Variants in PTK2B observed in about 807,000 individuals in gnomAD.
PTK2B encodes the protein protein-tyrosine kinase 2-beta.
PTK2B carries 71 observed loss-of-function variants against 142.9 expected under a neutral mutation model. The ratio of observed to expected loss-of-function variants is 0.50; its 90% CI spans 0.41 to 0.61. PTK2B has a LOEUF of 0.61. Among genes scored for constraint, PTK2B ranks in the 20% least tolerant of loss-of-function variants. The pLI, the probability that PTK2B is intolerant of heterozygous loss-of-function variation, is 0.00. For missense variants in PTK2B, 1,105 were observed against 1,320.4 expected (o/e 0.84, Z 2.53); for synonymous variants, 519 against 503.4 (o/e 1.03, Z -0.42).
At chr8:27,433,172 A>G (rs758167845) in intron 10 of PTK2B, among the ~76,000 whole-genome samples, 3 of 152,198 alleles carry the variant, frequency 2.0e-5, no homozygotes, top group Non-Finnish European at 4.4e-5. Flanking sequence ...TTGAGCACCT[A>G]CTAGGTACCA....
At chr8:27,371,494 C>T (rs1209631294) in intron 1 of PTK2B, among the ~76,000 whole-genome samples, 2 of 151,626 alleles carry the variant, frequency 1.3e-5, no homozygotes, top group African/African-American at 4.9e-5. Flanking sequence ...TCTTGAGATT[C>T]CATTTTCTCA....
At chr8:27,311,681 C>T in exon 1 of PTK2B, 1 of 182,878 alleles carries the variant, frequency 5.5e-6, no homozygotes, top group East Asian at 1.5e-4. Context: ...CTTCCTGCTT[C>T]CGAAGTAGTG....
intron 1 of PTK2B, among the ~76,000 whole-genome samples, chr8:27,343,697 C>T (rs1056818853): frequency 6.6e-6 from 1 of 152,158 alleles, no homozygotes; most frequent in African/African-American, 2.4e-5. Flanking sequence ...TCTGACCTTT[C>T]TCCTTTAAAA....
rs771678400 is a variant in PTK2B, at chr8:27,454,151, C to CA, written c.2596-2dup. 1 of 1,614,046 alleles carries CA rather than the reference C, an allele frequency of 6.2e-7. No individual in the cohort carries two copies. The highest frequency in any genetic ancestry group is 1.1e-5 in the South Asian group (1 of 91,064). ...TCACTGGCCACCTGCGTCTTCCCCT[C>CA]AGTCCATCCAGCCCACAGCTAACCT... On this transcript the variant is annotated splice_polypyrimidine_tract_variant and splice_region_variant and intron_variant, in intron 28 of 30. Transcript: ENST00000346049.
At chr8:27,435,985 G>A (rs1563286749) in intron 14 of PTK2B, among the ~76,000 whole-genome samples, 192 bp downstream of exon 14, 1 of 152,056 alleles carries the variant, frequency 6.6e-6, no homozygotes, top group Non-Finnish European at 1.5e-5. Context: ...TATACTGATT[G>A]ACCTTTTGTG....
rs575970719 is a variant in PTK2B at position 27,333,691 on chromosome 8, C to G, written c.-38+8010C>G. Among the ~76,000 whole-genome samples the G allele has an allele frequency of 2.6e-5, 4 of 152,266 alleles. No individual in the cohort carries two copies. In the South Asian group the frequency reaches 8.3e-4, roughly 32 times the overall value. On this transcript the variant is annotated intron_variant, in intron 1 of 30. Coordinates refer to ENST00000346049, the MANE Select transcript of PTK2B (RefSeq NM_173176.3). ...TGATTCCCAGCCTGGCCGCTTCCCC[C>G]TGGGCCTCCCCTCTGCTAGGAGTGT...
At chr8:27,328,960 T>TG (rs372660029) in intron 1 of PTK2B, among the ~76,000 whole-genome samples, 15 of 148,622 alleles carry the variant, frequency 1.0e-4, no homozygotes, top group African/African-American at 3.7e-4. Flanking sequence ...TTTTTTGAGA[T>TG]GGAGTCTCAC....
intron 1 of PTK2B, among the ~76,000 whole-genome samples, chr8:27,353,754 C>T (rs144489457): frequency 1.3e-5 from 2 of 152,184 alleles, no homozygotes; most frequent in Non-Finnish European, 2.9e-5. Flanking sequence ...CTCCGTAAAC[C>T]TTATCAGTCA....
At chr8:27,330,038 G>A (rs148546944) in intron 1 of PTK2B, among the ~76,000 whole-genome samples, 2 of 152,236 alleles carry the variant, frequency 1.3e-5, no homozygotes, top group Non-Finnish European at 2.9e-5. Context: ...GGCTCACCCC[G>A]TCAGTGCATC....
rs1246045425 is a variant in PTK2B, at chr8:27,431,030, C to T, written c.810+14C>T. ...TGTGAACTCATTGTAATGGCGGGCTCTCTTGATCCTCTCCCTGACCTGGAT... is the reference window on the plus strand; with the variant it reads ...TGTGAACTCATTGTAATGGCGGGCTTTCTTGATCCTCTCCCTGACCTGGAT... On this transcript the variant is annotated intron_variant, in intron 8 of 30. Transcript: ENST00000346049. 4.4e-6 allele frequency: 7 copies of T among 1,606,076 alleles called. No individual in the cohort carries two copies. The highest frequency in any genetic ancestry group is 6.0e-6 in the Non-Finnish European group (7 of 1,174,846).
chr8:27,434,040 T>C (rs919493), intron 11 of PTK2B, 53 bp from the exon 12 acceptor site: 1,348,870 of 1,590,614 alleles, frequency 0.85, 574,737 homozygotes, highest in Middle Eastern at 0.93. Context: ...CAGTCACCCA[T>C]CCAGGTCCCT....
At chr8:27,420,825 ATG>A in intron 4 of PTK2B, 81 bp downstream of exon 4, 4 of 1,307,872 alleles carry the variant, frequency 3.1e-6, no homozygotes, top group Middle Eastern at 1.8e-4. Context: ...TCCTAGGGAG[ATG>A]GAAAGACAAA....
intron 1 of PTK2B, among the ~76,000 whole-genome samples, chr8:27,359,104 TA>T (rs1805550625): frequency 6.6e-6 from 1 of 152,162 alleles, no homozygotes; most frequent in Non-Finnish European, 1.5e-5. Flanking sequence ...TTTTTCTATT[TA>T]GATATTGCAA....
At chr8:27,449,946 T>C (rs1811700368) in intron 24 of PTK2B, among the ~76,000 whole-genome samples, 1 of 152,236 alleles carries the variant, frequency 6.6e-6, no homozygotes, top group Non-Finnish European at 1.5e-5. Context: ...TTTTTCATTT[T>C]ATCTATTAGT....
chr8:27,439,161 C>T (rs1018333290), intron 19 of PTK2B, 30 bp downstream of exon 19: 7 of 1,603,322 alleles, frequency 4.4e-6, no homozygotes, highest in Non-Finnish European at 6.0e-6. Flanking sequence ...TCTGCATTGG[C>T]CTTGGAGGGG....
intron 1 of PTK2B, among the ~76,000 whole-genome samples, chr8:27,393,010 G>A (rs1383674449): frequency 2.0e-5 from 3 of 152,180 alleles, no homozygotes; most frequent in Non-Finnish European, 4.4e-5. Context: ...TTTATCTTTC[G>A]TGGAGTTTGT....
intron 1 of PTK2B, among the ~76,000 whole-genome samples, chr8:27,350,621 C>G (rs532883150): frequency 1.4e-4 from 22 of 152,184 alleles, no homozygotes; most frequent in Admixed American, 3.3e-4. Context: ...AATAAAGTTG[C>G]AAGAGGTCGG....
At position 27,388,779 on chromosome 8, in the gene PTK2B, A is replaced by C. The variant is rs1057377541; in HGVS notation, c.-37-8769A>C. 2.7e-4 allele frequency among the ~76,000 whole-genome samples: 41 copies of C among 152,214 alleles called. 1 individual carries two copies. Among genetic ancestry groups the C allele is most frequent in the African/African-American group, 9.4e-4 (39 of 41,452 alleles). On this transcript the variant is annotated intron_variant, in intron 1 of 30. Transcript: ENST00000346049. ...TCCTTCTCTCAGATTGCCAGTGGCCACACACACACCAGGCACTTATTCTCG... is the reference window on the plus strand; with the variant it reads ...TCCTTCTCTCAGATTGCCAGTGGCCCCACACACACCAGGCACTTATTCTCG...
chr8:27,373,210 A>C, intron 1 of PTK2B, among the ~76,000 whole-genome samples: 1 of 152,172 alleles, frequency 6.6e-6, no homozygotes, highest in East Asian at 1.9e-4. Context: ...CCATGGCAGC[A>C]GCATGCTGTG....
Sources: gnomAD v4.1 joint callset for allele counts (sites outside exome capture counted in the v4.1 genomes callset) on GRCh38, gnomAD v4.1.1 for gene constraint, MANE v1.5 for transcripts, NCBI Gene and HGNC (gene_info 2026-07-23, HGNC 2026-07-21) for gene names.